PTPRR: variants seen among roughly 807,000 people sequenced by gnomAD.
The protein encoded by PTPRR is receptor-type tyrosine-protein phosphatase R.
In PTPRR, 38 loss-of-function variants were observed where a neutral mutation model predicts 77.2. That is an observed-to-expected ratio of 0.49 (90% CI 0.38 to 0.65). The LOEUF is 0.65. Ranked by LOEUF, PTPRR falls within the 30% of genes least tolerant of loss-of-function variation. The pLI, the probability that PTPRR is intolerant of heterozygous loss-of-function variation, is 0.00. For missense variants in PTPRR, 744 were observed against 799.2 expected (o/e 0.93, Z 0.83); for synonymous variants, 299 against 283.1 (o/e 1.06, Z -0.57).
intron 2 of PTPRR, among the ~76,000 whole-genome samples, chr12:70,874,935 A>AC (rs1458250874): frequency 1.3e-5 from 2 of 151,670 alleles, no homozygotes; most frequent in African/African-American, 2.4e-5. Context: ...AAAAAAAAAA[A>AC]AAAAAAATAG....
intron 2 of PTPRR, among the ~76,000 whole-genome samples, chr12:70,872,429 C>G (rs111967027): frequency 0.011 from 1,659 of 152,066 alleles, 13 homozygotes; most frequent in Non-Finnish European, 0.017. Context: ...CTTGCGGTGG[C>G]TCACACCTGT....
At chr12:70,781,216 A>C (rs1891196592) in intron 2 of PTPRR, among the ~76,000 whole-genome samples, 1 of 152,232 alleles carries the variant, frequency 6.6e-6, no homozygotes, top group Non-Finnish European at 1.5e-5. Flanking sequence ...CAGACAAAAA[A>C]ATGGGCTGAC....
chr12:70,704,620 T>G (rs540048266), intron 6 of PTPRR, among the ~76,000 whole-genome samples: 1 of 152,124 alleles, frequency 6.6e-6, no homozygotes. Flanking sequence ...AAGGATTCTG[T>G]GGTAAGCAGA....
chr12:70,705,124 G>A (rs1459882944), intron 6 of PTPRR, among the ~76,000 whole-genome samples: 1 of 152,036 alleles, frequency 6.6e-6, no homozygotes, highest in Non-Finnish European at 1.5e-5. Context: ...TAACTAAAAA[G>A]GAAAATATGT....
At chr12:70,799,135 C>T (rs942388638) in intron 2 of PTPRR, among the ~76,000 whole-genome samples, 1 of 152,158 alleles carries the variant, frequency 6.6e-6, no homozygotes, top group African/African-American at 2.4e-5. Context: ...CTGACCATAC[C>T]TGTACACATT....
At chr12:70,836,744 A>C (rs1009367281) in intron 2 of PTPRR, among the ~76,000 whole-genome samples, 1 of 150,916 alleles carries the variant, frequency 6.6e-6, no homozygotes, top group African/African-American at 2.4e-5. Flanking sequence ...TCTCTTATTC[A>C]CCCTTCAGAT....
At chr12:70,852,285 A>T (rs1892583835) in intron 2 of PTPRR, among the ~76,000 whole-genome samples, 1 of 152,214 alleles carries the variant, frequency 6.6e-6, no homozygotes, top group South Asian at 2.1e-4. Context: ...AACAATTGTT[A>T]AATTAAACAC....
intron 2 of PTPRR, among the ~76,000 whole-genome samples, chr12:70,889,144 A>G (rs1183725199): frequency 1.3e-5 from 2 of 152,210 alleles, no homozygotes; most frequent in Admixed American, 6.5e-5. Flanking sequence ...TACATCTTCT[A>G]TGACATGGCT....
At chr12:70,719,284 A>G (rs1383465929) in intron 6 of PTPRR, among the ~76,000 whole-genome samples, 2 of 152,110 alleles carry the variant, frequency 1.3e-5, no homozygotes, top group South Asian at 2.1e-4. Context: ...CCTACTGCCA[A>G]TTCGCTCCTA....
intron 2 of PTPRR, among the ~76,000 whole-genome samples, chr12:70,827,713 T>TC (rs1351686886): frequency 1.0e-5 from 1 of 99,634 alleles, no homozygotes; most frequent in East Asian, 2.5e-4. Flanking sequence ...ACCTGGCTTT[T>TC]TTTTTTTTTT....
At chr12:70,874,383 G>A (rs1312905123) in intron 2 of PTPRR, among the ~76,000 whole-genome samples, 3 of 152,144 alleles carry the variant, frequency 2.0e-5, no homozygotes, top group African/African-American at 7.2e-5. Context: ...AACTCACAAA[G>A]CTAACAGACT....
At chr12:70,865,397 T>C (rs1476643306) in intron 2 of PTPRR, among the ~76,000 whole-genome samples, 1 of 129,312 alleles carries the variant, frequency 7.7e-6, no homozygotes, top group Non-Finnish European at 1.8e-5. Context: ...ACGAGACAGA[T>C]TGGGAAGAGG....
intron 10 of PTPRR, among the ~76,000 whole-genome samples, chr12:70,678,072 A>G: frequency 6.6e-6 from 1 of 151,534 alleles, no homozygotes; most frequent in Non-Finnish European, 1.5e-5. Context: ...ATGGAGTTGC[A>G]CTCTGTCACC....
Position 70,770,709 on chromosome 12 carries a change from G to T in PTPRR, c.358-5931C>A, listed in dbSNP as rs560275834. Among the ~76,000 whole-genome samples the T allele has an allele frequency of 1.6e-3, 246 of 152,196 alleles. 4 individuals are homozygous for T. The highest frequency in any genetic ancestry group is 5.2e-3 in the African/African-American group (217 of 41,536). On this transcript the variant is annotated intron_variant, in intron 2 of 13. Coordinates refer to ENST00000283228, the MANE Select transcript of PTPRR (RefSeq NM_002849.4). ...TGCTATAAAGACACATGCACACATA[G>T]GTTTATTGCGGCACAATTCACAATA...
intron 4 of PTPRR, among the ~76,000 whole-genome samples, chr12:70,756,257 C>T (rs967663074): frequency 6.6e-6 from 1 of 151,908 alleles, no homozygotes; most frequent in African/African-American, 2.4e-5. Context: ...AACTCCCACC[C>T]TCCCATCCCC....
chr12:70,809,132 C>G (rs1891763223), intron 2 of PTPRR, among the ~76,000 whole-genome samples: 1 of 152,152 alleles, frequency 6.6e-6, no homozygotes, highest in South Asian at 2.1e-4. Context: ...GAGATGTCTG[C>G]AAGGAACTTA....
intron 13 of PTPRR, among the ~76,000 whole-genome samples, chr12:70,647,071 T>C (rs1214882600): frequency 2.0e-5 from 3 of 152,164 alleles, no homozygotes; most frequent in African/African-American, 4.8e-5. Flanking sequence ...CCTTTGGATG[T>C]CATTCCAGTT....
chr12:70,898,161 T>TAA (rs143545504), intron 1 of PTPRR, among the ~76,000 whole-genome samples: 7 of 148,618 alleles, frequency 4.7e-5, no homozygotes, highest in African/African-American at 7.4e-5. Context: ...ATAATAATAA[T>TAA]AAAAAAAGAG....
intron 6 of PTPRR, among the ~76,000 whole-genome samples, chr12:70,720,520 T>A (rs1161649811): frequency 1.3e-5 from 2 of 151,490 alleles, no homozygotes; most frequent in African/African-American, 4.8e-5. Flanking sequence ...TTTTTTTTTT[T>A]TTTTTTTTTG....
Sources: gnomAD v4.1 joint callset for allele counts (sites outside exome capture counted in the v4.1 genomes callset) on GRCh38, gnomAD v4.1.1 for gene constraint, MANE v1.5 for transcripts, NCBI Gene and HGNC (gene_info 2026-07-23, HGNC 2026-07-21) for gene names.